Variants in PDGFD observed in about 807,000 individuals in gnomAD.
The protein encoded by PDGFD is platelet derived growth factor D.
Under a neutral mutation model 44.7 loss-of-function variants are expected in PDGFD, and 30 were observed. That is an observed-to-expected ratio of 0.67 (90% CI 0.50 to 0.91). The LOEUF is 0.91. Among genes scored for constraint, PDGFD ranks in the 40% least tolerant of loss-of-function variants. The pLI is 0.00. For synonymous variants in PDGFD, 173 were observed against 168.4 expected (o/e 1.03, Z -0.21); for missense variants, 445 against 457.8 (o/e 0.97, Z 0.25).
chr11:103,962,096 G>GA (rs1180309204), intron 3 of PDGFD, among the ~76,000 whole-genome samples: 1 of 152,088 alleles, frequency 6.6e-6, no homozygotes, highest in Non-Finnish European at 1.5e-5. Context: ...GAGGGTGGTG[G>GA]AAAAAAATTG....
rs76622545 is a variant in PDGFD at position 104,063,054 on chromosome 11, G to C, written c.125-62799C>G. ...TCAGATCCAGTAAACTAGGGCAATT[G>C]CCCCAAGCTCCAAGCTTTGGAAAGA... On this transcript the variant is annotated intron_variant, in intron 1 of 6. Transcript: ENST00000393158. Among the ~76,000 whole-genome samples, 417 of 152,236 alleles carry C rather than the reference G, an allele frequency of 2.7e-3. 5 individuals carry two copies. The East Asian group carries it at 0.031, about 11-fold the overall frequency.
At chr11:104,135,996 C>T (rs1443423676) in intron 1 of PDGFD, among the ~76,000 whole-genome samples, 8 of 152,044 alleles carry the variant, frequency 5.3e-5, no homozygotes, top group African/African-American at 1.9e-4. Context: ...AAGATGACAT[C>T]GGATTGGAGT....
At chr11:104,116,969 T>G (rs1861650616) in intron 1 of PDGFD, among the ~76,000 whole-genome samples, 1 of 151,986 alleles carries the variant, frequency 6.6e-6, no homozygotes, top group African/African-American at 2.4e-5. Flanking sequence ...AAACCTCTTT[T>G]TCTTCCCAGT....
intron 1 of PDGFD, among the ~76,000 whole-genome samples, chr11:104,131,164 C>G (rs959658202): frequency 6.6e-6 from 1 of 152,212 alleles, no homozygotes; most frequent in Non-Finnish European, 1.5e-5. Context: ...TTAGGTCTCA[C>G]TGCTCTGTTT....
intron 1 of PDGFD, among the ~76,000 whole-genome samples, chr11:104,003,403 G>T (rs1201489347): frequency 2.0e-5 from 3 of 152,180 alleles, no homozygotes; most frequent in Non-Finnish European, 1.5e-5. Flanking sequence ...AGGAAGATTA[G>T]CCTGTTGGTG....
At chr11:103,959,003 G>A (rs1217393949) in intron 3 of PDGFD, among the ~76,000 whole-genome samples, 1 of 152,134 alleles carries the variant, frequency 6.6e-6, no homozygotes, top group Non-Finnish European at 1.5e-5. Flanking sequence ...AACACAGCTG[G>A]TACGGTTCCA....
At chr11:103,926,635 G>A (rs559781) in intron 6 of PDGFD, among the ~76,000 whole-genome samples, 83,985 of 152,016 alleles carry the variant, frequency 0.55, 25,035 homozygotes, top group African/African-American at 0.79. Context: ...TGAAATTACT[G>A]TATCACATAT....
At chr11:104,129,082 C>T (rs361299) in intron 1 of PDGFD, among the ~76,000 whole-genome samples, 28 of 151,942 alleles carry the variant, frequency 1.8e-4, no homozygotes, top group South Asian at 2.1e-4. Context: ...AAACTGGAAA[C>T]GCACATAGAA....
chr11:104,130,127 T>C (rs975303823), intron 1 of PDGFD, among the ~76,000 whole-genome samples: 2 of 151,866 alleles, frequency 1.3e-5, no homozygotes, highest in Non-Finnish European at 2.9e-5. Context: ...AAGGGCCAAG[T>C]AGCACAATAG....
At chr11:104,102,912 A>G (rs1187803374) in intron 1 of PDGFD, among the ~76,000 whole-genome samples, 1 of 152,112 alleles carries the variant, frequency 6.6e-6, no homozygotes, top group Non-Finnish European at 1.5e-5. Flanking sequence ...GGAACATCAC[A>G]CACTAGGGCC....
chr11:103,939,232 G>C (rs1394588161), intron 5 of PDGFD, among the ~76,000 whole-genome samples: 2 of 151,994 alleles, frequency 1.3e-5, no homozygotes, highest in Non-Finnish European at 2.9e-5. Context: ...TTATTTCATT[G>C]AGCAGTGGTT....
intron 1 of PDGFD, among the ~76,000 whole-genome samples, chr11:104,086,789 ACT>A (rs1861136154): frequency 6.6e-6 from 1 of 152,224 alleles, no homozygotes; most frequent in East Asian, 1.9e-4. Context: ...AAATGTTTAA[ACT>A]CTGATGTAAA....
intron 1 of PDGFD, chr11:104,036,704 C>G: frequency 1.3e-6 from 1 of 778,414 alleles, no homozygotes; most frequent in Non-Finnish European, 2.1e-6. Context: ...GTGAATGAGC[C>G]CGGACGGTCC....
At chr11:104,145,082 A>G (rs575996742) in intron 1 of PDGFD, among the ~76,000 whole-genome samples, 25 of 152,276 alleles carry the variant, frequency 1.6e-4, no homozygotes, top group African/African-American at 5.1e-4. Flanking sequence ...TTACTTTATA[A>G]TAAGTGGTGT....
At chr11:104,050,767 C>T (rs1277466806) in intron 1 of PDGFD, among the ~76,000 whole-genome samples, 2 of 152,098 alleles carry the variant, frequency 1.3e-5, no homozygotes, top group Admixed American at 1.3e-4. Flanking sequence ...CTGTCCCTCC[C>T]CCATCTCCAG....
At chr11:104,046,869 A>G (rs1330145526) in intron 1 of PDGFD, among the ~76,000 whole-genome samples, 1 of 146,138 alleles carries the variant, frequency 6.8e-6, no homozygotes, top group Admixed American at 6.9e-5. Context: ...TTAGGTATTT[A>G]TCCTAATGCT....
At chr11:104,033,156 G>C (rs1352126559) in intron 1 of PDGFD, among the ~76,000 whole-genome samples, 1 of 151,810 alleles carries the variant, frequency 6.6e-6, no homozygotes, top group Non-Finnish European at 1.5e-5. Flanking sequence ...TTAAAATTCT[G>C]AGTTGGGACA....
intron 1 of PDGFD, among the ~76,000 whole-genome samples, chr11:104,028,911 T>A (rs538098854): frequency 6.6e-6 from 1 of 152,270 alleles, no homozygotes; most frequent in East Asian, 1.9e-4. Context: ...CTCTTCAGCA[T>A]CATAAATTGG....
At chr11:104,059,705 C>T (rs535186111) in intron 1 of PDGFD, among the ~76,000 whole-genome samples, 108 of 152,298 alleles carry the variant, frequency 7.1e-4, no homozygotes, top group African/African-American at 2.5e-3. Context: ...GAACAGCCTT[C>T]CTCCCTGAAG....
Sources: allele counts gnomAD v4.1 joint callset (sites outside exome capture counted in the v4.1 genomes callset), GRCh38; gene constraint gnomAD v4.1.1; transcripts MANE v1.5; gene names NCBI Gene and HGNC (gene_info 2026-07-23, HGNC 2026-07-21).